C18orf54: variants seen among roughly 807,000 people sequenced by gnomAD.
C18orf54 encodes chromosome 18 open reading frame 54, also known as lung adenoma susceptibility protein 2.
In C18orf54, 49 loss-of-function variants were observed where a neutral mutation model predicts 49.3. That is an observed-to-expected ratio of 0.99 (90% confidence interval 0.79 to 1.26). C18orf54 has a LOEUF of 1.26. Ranked by LOEUF, C18orf54 falls within the 50% of genes most tolerant of loss-of-function variation. The probability of loss-of-function intolerance (pLI) is 0.00; values close to 1 mark genes in which losing one functional copy is unlikely to be tolerated. For missense variants in C18orf54, 687 were observed against 620.6 expected (o/e 1.11, Z -1.14); for synonymous variants, 211 against 216.6 (o/e 0.97, Z 0.23).
At chr18:54,368,825 A>G (rs1036826408) in intron 6 of C18orf54, among the ~76,000 whole-genome samples, 2 of 152,130 alleles carry the variant, frequency 1.3e-5, no homozygotes, top group African/African-American at 4.8e-5. Context: ...ATGAAAAACT[A>G]TCTTTATATT....
At chr18:54,369,764 C>T (rs950256718) in intron 6 of C18orf54, among the ~76,000 whole-genome samples, 2 of 152,144 alleles carry the variant, frequency 1.3e-5, no homozygotes, top group Non-Finnish European at 2.9e-5. Context: ...CCACCATGCC[C>T]AGCTGAATAT....
chr18:54,361,701 C>A lies in C18orf54; in HGVS notation c.342C>A (p.Thr114=). 1 of 1,613,494 alleles carries A rather than the reference C, an allele frequency of 6.2e-7. No individual in the cohort carries two copies. The highest frequency in any genetic ancestry group is 8.5e-7 in the Non-Finnish European group (1 of 1,179,744). ...ACTTCATATCCTGTAGAAGACACACCGTTAATGACATAGACTCCATGAGCC... is the reference window on the plus strand; with the variant it reads ...ACTTCATATCCTGTAGAAGACACACAGTTAATGACATAGACTCCATGAGCC... The part of the protein sequence containing the change: ...HSNFISCRRH[T]VNDIDSMSLT... Residue 114 remains threonine, a synonymous_variant, in exon 4 of 9, where the codon ACC becomes ACA. Coordinates refer to ENST00000620105, the MANE Select transcript of C18orf54 (RefSeq NM_001288980.2).
intron 2 of C18orf54, among the ~76,000 whole-genome samples, chr18:54,359,974 T>A (rs7227253): frequency 0.62 from 94,751 of 152,042 alleles, 30,470 homozygotes; most frequent in Middle Eastern, 0.79. Context: ...CATTCCAGAA[T>A]AAGACCTGCA....
intron 6 of C18orf54, among the ~76,000 whole-genome samples, chr18:54,370,344 T>C (rs1203757641): frequency 6.6e-6 from 1 of 152,174 alleles, no homozygotes; most frequent in African/African-American, 2.4e-5. Context: ...TTGTAGTATT[T>C]ATTATCAGTA....
chr18:54,373,938 A>T (rs1404173616), intron 7 of C18orf54, among the ~76,000 whole-genome samples: 1 of 151,876 alleles, frequency 6.6e-6, no homozygotes, highest in African/African-American at 2.4e-5. Context: ...CATCATTGAG[A>T]TATAAGCCTG....
At chr18:54,371,468 A>G (rs2089485634) in intron 6 of C18orf54, among the ~76,000 whole-genome samples, 1 of 152,104 alleles carries the variant, frequency 6.6e-6, no homozygotes, top group South Asian at 2.1e-4. Flanking sequence ...ACAAATATCT[A>G]CCCAAGTCCC....
At chr18:54,375,898 GACTTA>G (rs2089562105) in intron 8 of C18orf54, among the ~76,000 whole-genome samples, 2 of 11,192 alleles carry the variant, frequency 1.8e-4, no homozygotes, top group Admixed American at 2.1e-3. Context: ...AGTAAGCTTA[GACTTA>G]CAAAAGTTAT....
At chr18:54,370,669 A>G (rs2089470170) in intron 6 of C18orf54, among the ~76,000 whole-genome samples, 1 of 152,228 alleles carries the variant, frequency 6.6e-6, no homozygotes, top group African/African-American at 2.4e-5. Context: ...TATCCATACA[A>G]TATTTTTAAA....
chr18:54,365,749 T>G lies in C18orf54; in HGVS notation c.1254T>G (p.Asp418Glu), dbSNP rs756579110. 6.3e-7 allele frequency: 1 copy of G among 1,598,870 alleles called. No individual in the cohort carries two copies. The highest frequency in any genetic ancestry group is 1.7e-5 in the Admixed American group (1 of 59,868). Residue 418 changes from aspartate to glutamate, a missense_variant, in exon 6 of 9, where the codon GAT (aspartate) becomes GAG (glutamate). Coordinates refer to ENST00000620105, the MANE Select transcript of C18orf54 (RefSeq NM_001288980.2). ...FKSPVPVNSD[D>E]SPQQTSRAKS... ...CTCCTGTTCCCGTTAACTCTGATGA[T>G]AGTCCTCAACAAACTTCAAGGGCAA...
intron 1 of C18orf54, 26 bp downstream of exon 1, chr18:54,358,101 T>C (rs1239691821): frequency 6.5e-6 from 1 of 152,760 alleles, no homozygotes; most frequent in African/African-American, 2.4e-5. Context: ...TTGTTTTCCT[T>C]TATTTTTATT....
intron 5 of C18orf54, 30 bp downstream of exon 5, chr18:54,362,951 AG>A (rs771616366): frequency 6.4e-7 from 1 of 1,566,340 alleles, no homozygotes; most frequent in East Asian, 2.3e-5. Flanking sequence ...AAAACTGTTT[AG>A]TTTTCCAAAT....
intron 6 of C18orf54, among the ~76,000 whole-genome samples, chr18:54,367,685 A>C (rs2089411639): frequency 6.6e-6 from 1 of 151,886 alleles, no homozygotes; most frequent in Admixed American, 6.6e-5. Flanking sequence ...CTCTGGGAGG[A>C]TGTTTTTGGC....
intron 3 of C18orf54, 53 bp from the exon 4 acceptor site, chr18:54,361,590 G>C: frequency 7.1e-7 from 1 of 1,402,296 alleles, no homozygotes; most frequent in Non-Finnish European, 9.6e-7. Context: ...ATTTACTGTT[G>C]GATATTATAA....
chr18:54,364,318 G>A (rs1460899046), intron 5 of C18orf54, among the ~76,000 whole-genome samples: 1 of 152,028 alleles, frequency 6.6e-6, no homozygotes, highest in Non-Finnish European at 1.5e-5. Flanking sequence ...AGTATCAGAG[G>A]TGCTTAAAAT....
chr18:54,362,482 C>A, intron 4 of C18orf54, 51 bp downstream of exon 4: 1 of 1,365,744 alleles, frequency 7.3e-7, no homozygotes, highest in Non-Finnish European at 9.6e-7. Context: ...TTTTTTAAAC[C>A]AAAAGAAGTG....
At chr18:54,360,498 C>A in intron 2 of C18orf54, 29 bp from the exon 3 acceptor site, 1 of 1,448,176 alleles carries the variant, frequency 6.9e-7, no homozygotes, top group Non-Finnish European at 9.4e-7. Context: ...TTTTAATTGG[C>A]ATCTTAACAT....
rs1205385010 is a variant in C18orf54 at position 54,362,424 on chromosome 18, A to C, written c.1065A>C (p.Pro355=). The change falls in exon 4 of 9, where the codon CCA becomes CCC. Residue 355 remains proline (P), a synonymous_variant. Transcript: ENST00000620105. Reference sequence around the variant, plus strand: ...TTCTCCCAGGACAATCCACAAAGCCATTCAGTGGTAATACTTTGTTTATTG... The same window carrying C: ...TTCTCCCAGGACAATCCACAAAGCCCTTCAGTGGTAATACTTTGTTTATTG... The part of the protein sequence containing the change: ...NPLLPGQSTK[P]FSGDKIELLI... 3 of 1,506,468 alleles carry C rather than the reference A, an allele frequency of 2.0e-6. No homozygotes were observed. Among genetic ancestry groups the C allele is most frequent in the East Asian group, 2.5e-5 (1 of 40,610 alleles). 93.3% of individuals were successfully genotyped at this position (1,506,468 alleles called of 1,614,324 possible).
At chr18:54,369,487 T>C (rs1352524719) in intron 6 of C18orf54, among the ~76,000 whole-genome samples, 3 of 99,266 alleles carry the variant, frequency 3.0e-5, no homozygotes, top group African/African-American at 1.3e-4. Flanking sequence ...TTTTTTTTTT[T>C]TGGAGACAGT....
At chr18:54,375,589 C>T (rs1447617910) in intron 8 of C18orf54, among the ~76,000 whole-genome samples, 1 of 151,258 alleles carries the variant, frequency 6.6e-6, no homozygotes, top group East Asian at 1.9e-4. Flanking sequence ...ATGTACATAT[C>T]CTAGATGTTT....
Sources: allele counts gnomAD v4.1 joint callset (sites outside exome capture counted in the v4.1 genomes callset), GRCh38; gene constraint gnomAD v4.1.1; transcripts MANE v1.5; gene names NCBI Gene and HGNC (gene_info 2026-07-23, HGNC 2026-07-21).